CNIH1: variants seen among roughly 807,000 people sequenced by gnomAD.
CNIH1 encodes the protein protein cornichon homolog 1.
In CNIH1, 12 loss-of-function variants were observed where a neutral mutation model predicts 20.2. That is an observed-to-expected ratio of 0.59 (90% CI 0.38 to 0.96). The LOEUF (loss-of-function observed/expected upper bound fraction) is 0.96, where lower values mean the gene tolerates loss of function less well. Among genes scored for constraint, CNIH1 ranks in the 40% least tolerant of loss-of-function variants. CNIH1 has a pLI of 0.00. For synonymous variants in CNIH1, 69 were observed against 63.3 expected (o/e 1.09, Z -0.43); for missense variants, 152 against 178.8 (o/e 0.85, Z 0.85).
In CNIH1 at chr14:54,441,340, G is replaced by C; in HGVS notation, c.-13C>G. 3 of 1,491,358 alleles carry C rather than the reference G, an allele frequency of 2.0e-6. No homozygotes were observed. The highest frequency in any genetic ancestry group is 2.8e-5 in the East Asian group (1 of 35,992). The allele number at this position is 1,491,358 out of a possible 1,614,324, so 92.4% of individuals were successfully genotyped here. A position where few individuals can be genotyped will look rare whatever the true frequency, so the allele number is the denominator to read the frequency against. ...ACGTGAACGCCATGGCTGGGGAGGA[G>C]GAGCGGGGAGCGGCGCCGTTGCCAG... is the stretch of plus-strand genomic sequence containing the variant. On this transcript the variant is annotated 5_prime_UTR_variant, in exon 1 of 5. Transcript: ENST00000216416.
At position 54,423,906 on chromosome 14, in the gene CNIH1, A is replaced by G. The variant is rs1049120789; in HGVS notation, c.*3908T>C. 5.3e-5 allele frequency: 8 copies of G among 152,248 alleles called. No homozygotes were observed. The highest frequency in any genetic ancestry group is 1.2e-4 in the Non-Finnish European group (8 of 68,048). 9.4% of individuals were successfully genotyped at this position (152,248 alleles called of 1,614,324 possible). ...ATGTGCATTAACAAAATTAATGCAG[A>G]TAAGACCTTCACTCCAACCCCAAAG... is the stretch of plus-strand genomic sequence containing the variant. On this transcript the variant is annotated 3_prime_UTR_variant, in exon 5 of 5. Coordinates refer to ENST00000216416, the MANE Select transcript of CNIH1 (RefSeq NM_005776.3).
In CNIH1 at chr14:54,432,209, TG is replaced by T; in HGVS notation, c.161del (p.Pro54GlnfsTer37). On this transcript the variant is annotated frameshift_variant, in exon 3 of 5. Coordinates refer to ENST00000216416, the MANE Select transcript of CNIH1 (RefSeq NM_005776.3). LOFTEE classifies it high-confidence loss of function. ...QCNTLNPLVL[P>X]EYLIHAFFCV... Reference sequence around the variant, plus strand: ...AGAAGAAAGCGTGGATGAGGTACTCTGGGAGTACAAGCTGGAAGGAAAACAC... The same window carrying T: ...AGAAGAAAGCGTGGATGAGGTACTCTGGAGTACAAGCTGGAAGGAAAACAC... 9.7e-6 allele frequency: 15 copies of T among 1,540,516 alleles called. No homozygotes were observed. Among genetic ancestry groups the T allele is most frequent in the Non-Finnish European group, 1.3e-5 (15 of 1,140,954 alleles).
Position 54,427,821 on chromosome 14 carries a change from C to T in CNIH1, c.428G>A (p.Ser143Asn), listed in dbSNP as rs774935586. The T allele has an allele frequency of 6.2e-7, 1 of 1,613,378 alleles. No individual in the cohort carries two copies. Among genetic ancestry groups the T allele is most frequent in the Non-Finnish European group, 8.5e-7 (1 of 1,179,834 alleles). ...YLYGMIYVLV[S>N]S ...ATTCTTCTGTGTGTTGTTCTAAGAGCTCACCAAAACATAGATCATGCTGAA... is the reference window on the plus strand; with the variant it reads ...ATTCTTCTGTGTGTTGTTCTAAGAGTTCACCAAAACATAGATCATGCTGAA... Residue 143 changes from serine (S) to asparagine (N), a missense_variant, in exon 5 of 5, where the codon AGC (serine) becomes AAC (asparagine). Transcript: ENST00000216416.
rs2030914070 is a variant in CNIH1, at chr14:54,430,556, C to A, written c.264-152G>T. On this transcript the variant is annotated intron_variant, in intron 3 of 4. Coordinates refer to ENST00000216416, the MANE Select transcript of CNIH1 (RefSeq NM_005776.3). ...GGGTAAAATGCTTTCCTTTTACCAT[C>A]TTAATTTTAAAAGTAGAGCCCCTAA... 1.1e-5 allele frequency: 7 copies of A among 664,838 alleles called. No homozygotes were observed. The South Asian group carries it at 2.2e-4, about 20-fold the overall frequency. The allele number at this position is 664,838 out of a possible 1,614,324, so 41.2% of individuals were successfully genotyped here. A position where few individuals can be genotyped will look rare whatever the true frequency, so the allele number is the denominator to read the frequency against.
intron 2 of CNIH1, among the ~76,000 whole-genome samples, chr14:54,434,408 A>G (rs1054869422): frequency 1.3e-5 from 2 of 152,206 alleles, no homozygotes; most frequent in Non-Finnish European, 2.9e-5. Context: ...AATTTACAAT[A>G]CATTAGGAAA....
rs1405819213 is a variant in CNIH1, at chr14:54,424,141, A to G, written c.*3673T>C. ...TCTTCCAAGCTATACTGGTAGCACCACAGACTTACTAGCTGCTGGTCATAC... is the reference window on the plus strand; with the variant it reads ...TCTTCCAAGCTATACTGGTAGCACCGCAGACTTACTAGCTGCTGGTCATAC... On this transcript the variant is annotated 3_prime_UTR_variant, in exon 5 of 5. Coordinates refer to ENST00000216416, the MANE Select transcript of CNIH1 (RefSeq NM_005776.3). The G allele has an allele frequency of 1.3e-5, 2 of 152,248 alleles. No homozygotes were observed. Among genetic ancestry groups the G allele is most frequent in the Admixed American group, 1.3e-4 (2 of 15,286 alleles). 9.4% of individuals were successfully genotyped at this position (152,248 alleles called of 1,614,324 possible). A position where few individuals can be genotyped will look rare whatever the true frequency, so the allele number is the denominator to read the frequency against.
At chr14:54,432,774 C>T (rs2030975128) in intron 2 of CNIH1, among the ~76,000 whole-genome samples, 1 of 152,196 alleles carries the variant, frequency 6.6e-6, no homozygotes, top group Non-Finnish European at 1.5e-5. Context: ...CCAATAATCT[C>T]AGCACAGTGA....
At chr14:54,433,352 T>C (rs900806149) in intron 2 of CNIH1, among the ~76,000 whole-genome samples, 4 of 152,160 alleles carry the variant, frequency 2.6e-5, no homozygotes, top group African/African-American at 9.7e-5. Context: ...AATTACTCTT[T>C]CCAATTTAAA....
intron 2 of CNIH1, among the ~76,000 whole-genome samples, chr14:54,433,369 G>C (rs2030986890): frequency 6.6e-6 from 1 of 152,140 alleles, no homozygotes; most frequent in South Asian, 2.1e-4. Context: ...TAAAGCTGTA[G>C]AGGGGACTTT....
intron 3 of CNIH1, among the ~76,000 whole-genome samples, chr14:54,430,836 G>T (rs1276084896): frequency 2.0e-5 from 3 of 150,732 alleles, no homozygotes; most frequent in Non-Finnish European, 4.4e-5. Flanking sequence ...TTGTTTTTTT[G>T]TTGTTGTTGT....
At position 54,426,309 on chromosome 14, in the gene CNIH1, G is replaced by A. The variant is rs2030825909; in HGVS notation, c.*1505C>T. 6.6e-6 allele frequency: 1 copy of A among 152,090 alleles called. No individual in the cohort carries two copies. The highest frequency in any genetic ancestry group is 1.5e-5 in the Non-Finnish European group (1 of 68,008). The allele number at this position is 152,090 out of a possible 1,614,324, so 9.4% of individuals were successfully genotyped here. On this transcript the variant is annotated 3_prime_UTR_variant, in exon 5 of 5. Transcript: ENST00000216416. ...TTAACAGCTACTCTCTCCCAACCAT[G>A]GGAAAGCACTGAAATAAAGCACTTT...
intron 2 of CNIH1, among the ~76,000 whole-genome samples, chr14:54,434,288 T>G (rs546338400): frequency 6.6e-6 from 1 of 152,328 alleles, no homozygotes; most frequent in Admixed American, 6.5e-5. Context: ...TTCAACCTCC[T>G]GCAGCATTAG....
At chr14:54,431,273 G>A (rs1186344286) in intron 3 of CNIH1, among the ~76,000 whole-genome samples, 6 of 151,928 alleles carry the variant, frequency 3.9e-5, no homozygotes, top group African/African-American at 7.3e-5. Flanking sequence ...GTTTATAGGC[G>A]CCCGCCACCA....
At chr14:54,440,953 C>G (rs2031158559) in intron 1 of CNIH1, among the ~76,000 whole-genome samples, 1 of 151,686 alleles carries the variant, frequency 6.6e-6, no homozygotes, top group Non-Finnish European at 1.5e-5. Context: ...GGTGCGAACG[C>G]AGCGCGGAAC....
At chr14:54,434,474 A>G (rs896438895) in intron 2 of CNIH1, among the ~76,000 whole-genome samples, 4 of 152,192 alleles carry the variant, frequency 2.6e-5, no homozygotes, top group African/African-American at 9.7e-5. Flanking sequence ...TTCTGACTCT[A>G]TCTTAGCTGT....
In CNIH1 at chr14:54,426,086, C is replaced by T. The variant is rs1315087247; in HGVS notation, c.*1728G>A. ...ACTGAATGACTGCCTGTGCTCAAAG[C>T]ATGAATCTTGAGAGCCCAGCAAGTA... On this transcript the variant is annotated 3_prime_UTR_variant, in exon 5 of 5. Transcript: ENST00000216416. 2 of 152,158 alleles carry T rather than the reference C, an allele frequency of 1.3e-5. No homozygotes were observed. The highest frequency in any genetic ancestry group is 4.8e-5 in the African/African-American group (2 of 41,444). The allele number at this position is 152,158 out of a possible 1,614,324, so 9.4% of individuals were successfully genotyped here.
intron 4 of CNIH1, among the ~76,000 whole-genome samples, chr14:54,429,253 A>G (rs1416556911): frequency 6.6e-6 from 1 of 152,220 alleles, no homozygotes; most frequent in Admixed American, 6.5e-5. Flanking sequence ...CCCTCAGGAC[A>G]TCTGGCAATG....
At chr14:54,436,215 G>T (rs893865513) in intron 2 of CNIH1, 154 bp downstream of exon 2, 2 of 701,158 alleles carry the variant, frequency 2.9e-6, no homozygotes, top group Admixed American at 4.2e-5. Context: ...GAATAGTCAA[G>T]CACGACAGGA....
rs527615412 is a variant in CNIH1, at chr14:54,436,641, C to T, written c.82-204G>A. On this transcript the variant is annotated intron_variant, in intron 1 of 4. Transcript: ENST00000216416. The stretch of plus-strand genomic sequence containing the variant: ...TGAAAACACTCTTATCTCAGTATCA[C>T]TAAAATTTGGTATTACTGTAATAAA... The T allele has an allele frequency of 6.9e-6, 4 of 577,034 alleles. No homozygotes were observed. The South Asian group carries it at 8.1e-5, about 12-fold the overall frequency. The allele number at this position is 577,034 out of a possible 1,614,324, so 35.7% of individuals were successfully genotyped here.
Sources: allele counts gnomAD v4.1 joint callset (sites outside exome capture counted in the v4.1 genomes callset), GRCh38; gene constraint gnomAD v4.1.1; transcripts MANE v1.5; gene names NCBI Gene and HGNC (gene_info 2026-07-23, HGNC 2026-07-21).